PRKD1: variants seen among roughly 807,000 people sequenced by gnomAD.
PRKD1 encodes serine/threonine-protein kinase D1.
Under a neutral mutation model 95.9 loss-of-function variants are expected in PRKD1, and 63 were observed. The ratio of observed to expected loss-of-function variants is 0.66; its 90% CI spans 0.54 to 0.81. PRKD1 has a LOEUF of 0.81. Among genes scored for constraint, PRKD1 ranks in the 30% least tolerant of loss-of-function variants. PRKD1 has a pLI of 0.00. For synonymous variants in PRKD1, 425 were observed against 423.1 expected (o/e 1.00, Z -0.05); for missense variants, 1,048 against 1,165.3 (o/e 0.90, Z 1.47).
intron 1 of PRKD1, among the ~76,000 whole-genome samples, chr14:29,826,720 T>TACAC (rs1468462660): frequency 1.6e-5 from 1 of 63,530 alleles, no homozygotes; most frequent in African/African-American, 6.0e-5. Flanking sequence ...CATATATATA[T>TACAC]ACATATATAT....
intron 1 of PRKD1, among the ~76,000 whole-genome samples, chr14:29,746,657 CAAT>C (rs926356298): frequency 2.0e-5 from 3 of 152,062 alleles, no homozygotes; most frequent in African/African-American, 7.2e-5. Flanking sequence ...AGCAGACAGT[CAAT>C]AAACAGTCAT....
intron 1 of PRKD1, among the ~76,000 whole-genome samples, chr14:29,788,986 G>A (rs932826324): frequency 2.0e-5 from 3 of 151,876 alleles, no homozygotes; most frequent in Non-Finnish European, 2.9e-5. Flanking sequence ...TCCTGGGCTC[G>A]AGCAATCCTC....
At chr14:29,924,085 A>G (rs1895215512) in intron 1 of PRKD1, among the ~76,000 whole-genome samples, 1 of 152,182 alleles carries the variant, frequency 6.6e-6, no homozygotes, top group South Asian at 2.1e-4. Context: ...CCAGGCTTCA[A>G]CGTCACACAC....
chr14:29,856,038 C>T (rs1340269298), intron 1 of PRKD1, among the ~76,000 whole-genome samples: 2 of 152,130 alleles, frequency 1.3e-5, no homozygotes, highest in Non-Finnish European at 2.9e-5. Context: ...ATAATAGAGT[C>T]ATTCTCTTCC....
chr14:29,770,704 C>A (rs1448563707), intron 1 of PRKD1, among the ~76,000 whole-genome samples: 2 of 152,098 alleles, frequency 1.3e-5, no homozygotes, highest in Admixed American at 6.6e-5. Context: ...TTGTGACTCA[C>A]ACCTGTAATC....
intron 1 of PRKD1, among the ~76,000 whole-genome samples, chr14:29,910,524 C>T (rs371247792): frequency 7.2e-5 from 11 of 152,130 alleles, no homozygotes; most frequent in South Asian, 6.2e-4. Context: ...CAATCACATA[C>T]TTAATATCTA....
chr14:29,647,497 G>C (rs916153995), intron 4 of PRKD1, among the ~76,000 whole-genome samples: 1 of 152,184 alleles, frequency 6.6e-6, no homozygotes, highest in Non-Finnish European at 1.5e-5. Flanking sequence ...CATTATGTGG[G>C]AAAACCAAGG....
intron 1 of PRKD1, among the ~76,000 whole-genome samples, chr14:29,847,571 T>A (rs1330204872): frequency 6.6e-6 from 1 of 152,194 alleles, no homozygotes; most frequent in East Asian, 1.9e-4. Context: ...TAAACTTGTT[T>A]ACAGCTTTCT....
intron 1 of PRKD1, among the ~76,000 whole-genome samples, chr14:29,787,939 CA>C (rs1889349189): frequency 6.6e-6 from 1 of 152,000 alleles, no homozygotes; most frequent in Non-Finnish European, 1.5e-5. Flanking sequence ...TTTATCTTTA[CA>C]AATTGGTGGG....
chr14:29,717,510 T>C (rs1885672330), intron 2 of PRKD1, among the ~76,000 whole-genome samples: 2 of 152,154 alleles, frequency 1.3e-5, no homozygotes, highest in Admixed American at 6.6e-5. Flanking sequence ...GAAAATCAAC[T>C]ACTTATGAAA....
intron 4 of PRKD1, among the ~76,000 whole-genome samples, chr14:29,659,775 A>G (rs1009392018): frequency 1.3e-5 from 2 of 152,206 alleles, no homozygotes; most frequent in African/African-American, 4.8e-5. Context: ...GGTTAAGTAT[A>G]TAGCTATATT....
chr14:29,885,124 T>TTTTA (rs1232960518), intron 1 of PRKD1, among the ~76,000 whole-genome samples: 1 of 131,074 alleles, frequency 7.6e-6, no homozygotes, highest in African/African-American at 2.9e-5. Context: ...CTCCATCTTT[T>TTTTA]AAAAAAAAAA....
intron 1 of PRKD1, among the ~76,000 whole-genome samples, chr14:29,736,437 C>G (rs1367385586): frequency 2.0e-5 from 3 of 152,186 alleles, no homozygotes; most frequent in Non-Finnish European, 4.4e-5. Flanking sequence ...CAGAGAACAA[C>G]ATTCCCTAAT....
chr14:29,603,449 A>C (rs1481066440), intron 13 of PRKD1, among the ~76,000 whole-genome samples: 1 of 152,218 alleles, frequency 6.6e-6, no homozygotes, highest in African/African-American at 2.4e-5. Context: ...CAAACTTCTT[A>C]TACTGCACTG....
At chr14:29,893,904 T>G (rs982777355) in intron 1 of PRKD1, among the ~76,000 whole-genome samples, 4 of 152,232 alleles carry the variant, frequency 2.6e-5, no homozygotes, top group Admixed American at 2.6e-4. Flanking sequence ...GTGCTCTGTA[T>G]GTACCAACCA....
intron 4 of PRKD1, among the ~76,000 whole-genome samples, chr14:29,662,304 CA>C (rs1365920398): frequency 1.3e-5 from 2 of 152,048 alleles, no homozygotes; most frequent in Non-Finnish European, 2.9e-5. Context: ...TCACTAATTG[CA>C]AAAATTCAAA....
chr14:29,761,821 T>C (rs1253181848), intron 1 of PRKD1, among the ~76,000 whole-genome samples: 5 of 150,842 alleles, frequency 3.3e-5, no homozygotes, highest in Non-Finnish European at 7.4e-5. Context: ...CTCAATCTGT[T>C]GCTCAGGCTG....
At chr14:29,594,142 T>C (rs1300580638) in intron 16 of PRKD1, 5 of 454,924 alleles carry the variant, frequency 1.1e-5, no homozygotes, top group South Asian at 4.7e-5. Flanking sequence ...CCCCAAGATA[T>C]AGGTATTATA....
intron 1 of PRKD1, among the ~76,000 whole-genome samples, chr14:29,888,637 C>T (rs554389824): frequency 3.2e-4 from 48 of 152,170 alleles, no homozygotes; most frequent in African/African-American, 1.1e-3. Context: ...GCAGAGTTGA[C>T]ATAGGAGAAT....
Sources: gnomAD v4.1 joint callset for allele counts (sites outside exome capture counted in the v4.1 genomes callset) on GRCh38, gnomAD v4.1.1 for gene constraint, MANE v1.5 for transcripts, NCBI Gene and HGNC (gene_info 2026-07-23, HGNC 2026-07-21) for gene names.